Variants in HEATR4 observed in about 807,000 individuals in gnomAD.
The protein encoded by HEATR4 is HEAT repeat containing 4.
A neutral mutation model predicts 108.8 loss-of-function variants in HEATR4; 95 were observed. The observed-to-expected ratio is 0.87, with a 90% CI of 0.74 to 1.04. The LOEUF (loss-of-function observed/expected upper bound fraction) is 1.04, where lower values mean the gene tolerates loss of function less well. Ranked by LOEUF, HEATR4 falls within the 50% of genes least tolerant of loss-of-function variation. The probability of loss-of-function intolerance (pLI) is 0.00; values close to 1 mark genes in which losing one functional copy is unlikely to be tolerated. For synonymous variants in HEATR4, 443 were observed against 459.4 expected (o/e 0.96, Z 0.46); for missense variants, 1,152 against 1,253.8 (o/e 0.92, Z 1.23).
In HEATR4 at chr14:73,552,920, C is replaced by T. The variant is rs541582004; in HGVS notation, c.-152+5831G>A. 1.7e-3 allele frequency among the ~76,000 whole-genome samples: 195 copies of T among 112,966 alleles called. 44 individuals are homozygous for T. Among genetic ancestry groups the T allele is most frequent in the African/African-American group, 5.2e-3 (179 of 34,204 alleles). The allele number at this position is 112,966 out of a possible 152,430, so 74.1% of individuals were successfully genotyped here. The stretch of plus-strand genomic sequence containing the variant: ...CTGTCTGTGTGGGCAGCTCCCCCAC[C>T]AGCTCCCTTCCATCCCCCATGGGTC... On this transcript the variant is annotated intron_variant, in intron 1 of 17. Coordinates refer to ENST00000553558, the MANE Select transcript of HEATR4 (RefSeq NM_001220484.1).
the HEATR4 span, among the ~76,000 whole-genome samples, chr14:73,590,428 C>T: frequency 5.1e-4 from 78 of 152,240 alleles, no homozygotes; most frequent in African/African-American, 9.2e-4. Flanking sequence ...CAGTGGATGC[C>T]GCACGGGGTT....
intron 2 of HEATR4, among the ~76,000 whole-genome samples, chr14:73,526,650 GC>G (rs1166315899): frequency 6.6e-6 from 1 of 152,194 alleles, no homozygotes; most frequent in Non-Finnish European, 1.5e-5. Context: ...CTGATTCCAG[GC>G]CTTTGCTCCT....
chr14:73,564,735 T>G, the HEATR4 span, among the ~76,000 whole-genome samples: 14 of 143,278 alleles, frequency 9.8e-5, no homozygotes, highest in Non-Finnish European at 1.5e-4. Flanking sequence ...TTTGTTTTTT[T>G]TTTTTTTTTT....
the HEATR4 span, among the ~76,000 whole-genome samples, chr14:73,615,654 C>T: frequency 2.0e-3 from 302 of 151,682 alleles, no homozygotes; most frequent in Non-Finnish European, 3.2e-3. Flanking sequence ...CGCTTGAACC[C>T]GGGGGGAGAC....
the HEATR4 span, among the ~76,000 whole-genome samples, chr14:73,623,941 G>A: frequency 6.6e-6 from 1 of 151,958 alleles, no homozygotes. Flanking sequence ...CTCACCACAA[G>A]CAGATGCTGG....
chr14:73,508,030 G>T, intron 9 of HEATR4, 104 bp downstream of exon 9: 3 of 1,098,386 alleles, frequency 2.7e-6, no homozygotes, highest in Non-Finnish European at 4.1e-6. Context: ...ACAGGCATAA[G>T]CCACTGCCCC....
At chr14:73,625,691 AT>A in the HEATR4 span, among the ~76,000 whole-genome samples, 1 of 152,108 alleles carries the variant, frequency 6.6e-6, no homozygotes, top group Admixed American at 6.6e-5. Flanking sequence ...TGTTACGGTG[AT>A]CTTTGATGTT....
chr14:73,496,874 A>G (rs1886136106), intron 14 of HEATR4, among the ~76,000 whole-genome samples, 195 bp from the exon 15 acceptor site: 1 of 152,096 alleles, frequency 6.6e-6, no homozygotes, highest in African/African-American at 2.4e-5. Context: ...GAGACAATAT[A>G]TTTGTGGGTT....
the HEATR4 span, chr14:73,596,581 C>T: frequency 6.6e-6 from 1 of 151,846 alleles, no homozygotes. Context: ...GACATTGACA[C>T]TACATAGCAT....
chr14:73,598,809 C>T, the HEATR4 span, among the ~76,000 whole-genome samples: 1 of 152,026 alleles, frequency 6.6e-6, no homozygotes, highest in Admixed American at 6.6e-5. Context: ...TCGAGACCAG[C>T]CTAACCAACA....
chr14:73,621,694 A>T, the HEATR4 span, among the ~76,000 whole-genome samples: 1 of 151,078 alleles, frequency 6.6e-6, no homozygotes, highest in Non-Finnish European at 1.5e-5. Flanking sequence ...CTTAATTTTG[A>T]TCAGTTGTTA....
At position 73,540,932 on chromosome 14, in the gene HEATR4, G is replaced by A. The variant is rs1484531303; in HGVS notation, c.-151-10688C>T. Among the ~76,000 whole-genome samples, 3 of 114,804 alleles carry A rather than the reference G, an allele frequency of 2.6e-5. 1 individual carries two copies. Among genetic ancestry groups the A allele is most frequent in the Non-Finnish European group, 5.7e-5 (3 of 53,014 alleles). The allele number at this position is 114,804 out of a possible 152,430, so 75.3% of individuals were successfully genotyped here. On this transcript the variant is annotated intron_variant, in intron 1 of 17. Transcript: ENST00000553558. ...AATTTTTGTATTTTTAGTACAGATG[G>A]GGTTTCACCATGTTGGCCAGGCTGG...
the HEATR4 span, among the ~76,000 whole-genome samples, chr14:73,599,781 G>A: frequency 6.6e-6 from 1 of 152,174 alleles, no homozygotes; most frequent in Non-Finnish European, 1.5e-5. Context: ...AAAGGAGAGT[G>A]GCAAGGTTCT....
chr14:73,583,463 A>G, the HEATR4 span, among the ~76,000 whole-genome samples: 1 of 151,716 alleles, frequency 6.6e-6, no homozygotes, highest in Non-Finnish European at 1.5e-5. Context: ...CCCTTTAAAA[A>G]CCCTGTTATA....
rs1297630652 is a variant in HEATR4, at chr14:73,536,923, C to T, written c.-151-6679G>A. ...AAAGTGATCAAAACCAACTCCAGTC[C>T]TGCATTCCTCTTCGCCATCAGGAGT... On this transcript the variant is annotated intron_variant, in intron 1 of 17. Transcript: ENST00000553558. Among the ~76,000 whole-genome samples, 2 of 114,296 alleles carry T rather than the reference C, an allele frequency of 1.7e-5. 1 individual carries two copies. The highest frequency in any genetic ancestry group is 3.8e-5 in the Non-Finnish European group (2 of 52,766). The allele number at this position is 114,296 out of a possible 152,430, so 75.0% of individuals were successfully genotyped here.
At chr14:73,622,931 C>CA in the HEATR4 span, among the ~76,000 whole-genome samples, 2 of 151,634 alleles carry the variant, frequency 1.3e-5, no homozygotes, top group Non-Finnish European at 2.9e-5. Flanking sequence ...TTTTTTGAGA[C>CA]AGAGTTTTGC....
chr14:73,491,318 G>A (rs1334495734), intron 17 of HEATR4: 40 of 1,510,972 alleles, frequency 2.6e-5, no homozygotes, highest in Non-Finnish European at 3.4e-5. Flanking sequence ...CGGCCACCTG[G>A]GGCCCGCAGA....
chr14:73,630,092 C>T, the HEATR4 span, among the ~76,000 whole-genome samples: 1 of 151,532 alleles, frequency 6.6e-6, no homozygotes, highest in Non-Finnish European at 1.5e-5. Flanking sequence ...AAAAAGGGTA[C>T]GTGGTGTCCT....
chr14:73,504,533 T>A (rs1398105385), intron 10 of HEATR4, among the ~76,000 whole-genome samples: 4 of 152,286 alleles, frequency 2.6e-5, no homozygotes, highest in East Asian at 3.9e-4. Flanking sequence ...CGAGCCACTG[T>A]GCCCGGCCGA....
Sources: gnomAD v4.1 joint callset for allele counts (sites outside exome capture counted in the v4.1 genomes callset) on GRCh38, gnomAD v4.1.1 for gene constraint, MANE v1.5 for transcripts, NCBI Gene and HGNC (gene_info 2026-07-23, HGNC 2026-07-21) for gene names.